Variants in ZNF385B observed in about 807,000 individuals in gnomAD.
ZNF385B encodes the protein zinc finger protein 385B.
In ZNF385B, 23 loss-of-function variants were observed where a neutral mutation model predicts 39.2. The ratio of observed to expected loss-of-function variants is 0.59; its 90% confidence interval spans 0.42 to 0.83. The LOEUF is 0.83. Ranked by LOEUF, ZNF385B falls within the 40% of genes least tolerant of loss-of-function variation. The pLI, the probability that ZNF385B is intolerant of heterozygous loss-of-function variation, is 0.00. For missense variants in ZNF385B, 552 were observed against 598.9 expected (o/e 0.92, Z 0.82); for synonymous variants, 205 against 222.6 (o/e 0.92, Z 0.70).
rs191388508 is a variant in ZNF385B at position 179,805,279 on chromosome 2, T to C, written c.-154-34607A>G. ...AACCATCAGCCATGTGAATGAAACATCCTGGATGGTCCGGTCCAGCCAAGT... is the reference window on the plus strand; with the variant it reads ...AACCATCAGCCATGTGAATGAAACACCCTGGATGGTCCGGTCCAGCCAAGT... On this transcript the variant is annotated intron_variant, in intron 1 of 9. Transcript: ENST00000410066. 2.7e-3 allele frequency among the ~76,000 whole-genome samples: 408 copies of C among 152,248 alleles called. 1 individual carries two copies. The highest frequency in any genetic ancestry group is 9.3e-3 in the African/African-American group (388 of 41,562).
At chr2:179,584,941 G>C (rs1365822547) in intron 3 of ZNF385B, among the ~76,000 whole-genome samples, 4 of 152,184 alleles carry the variant, frequency 2.6e-5, no homozygotes, top group African/African-American at 7.2e-5. Context: ...GGGCAGTCCT[G>C]ATGTCACACA....
intron 1 of ZNF385B, among the ~76,000 whole-genome samples, chr2:179,818,771 C>T (rs1222394263): frequency 6.6e-6 from 1 of 152,090 alleles, no homozygotes; most frequent in African/African-American, 2.4e-5. Flanking sequence ...TCTGTCTACT[C>T]AATGGAAAGA....
chr2:179,824,027 A>T (rs1396035663), intron 1 of ZNF385B, among the ~76,000 whole-genome samples: 2 of 152,064 alleles, frequency 1.3e-5, no homozygotes, highest in Non-Finnish European at 2.9e-5. Flanking sequence ...CTATCTTCAT[A>T]CCTTAGTATG....
At chr2:179,459,708 C>G (rs1032018074) in intron 6 of ZNF385B, among the ~76,000 whole-genome samples, 1 of 150,196 alleles carries the variant, frequency 6.7e-6, no homozygotes, top group African/African-American at 2.4e-5. Context: ...AAAAAATGTG[C>G]ATTATAATAA....
intron 3 of ZNF385B, among the ~76,000 whole-genome samples, chr2:179,756,688 T>C (rs1223687491): frequency 1.3e-5 from 2 of 152,190 alleles, no homozygotes; most frequent in African/African-American, 2.4e-5. Flanking sequence ...CTTTTTACTC[T>C]TTTTTCTCTA....
chr2:179,682,602 A>T (rs1697603202), intron 3 of ZNF385B, among the ~76,000 whole-genome samples: 1 of 152,082 alleles, frequency 6.6e-6, no homozygotes, highest in Non-Finnish European at 1.5e-5. Flanking sequence ...GGCCTGTGTA[A>T]TCTCCTTCCT....
At chr2:179,747,457 T>C (rs891156264) in intron 3 of ZNF385B, among the ~76,000 whole-genome samples, 6 of 152,118 alleles carry the variant, frequency 3.9e-5, no homozygotes, top group African/African-American at 1.4e-4. Context: ...CATTTGAATG[T>C]ATTATGAGAA....
intron 1 of ZNF385B, among the ~76,000 whole-genome samples, chr2:179,849,468 GT>G (rs921703391): frequency 6.6e-6 from 1 of 152,124 alleles, no homozygotes; most frequent in Non-Finnish European, 1.5e-5. Flanking sequence ...ATAATAGCTG[GT>G]TTTCTCTTCT....
At chr2:179,749,237 A>G (rs1244632024) in intron 3 of ZNF385B, among the ~76,000 whole-genome samples, 4 of 152,074 alleles carry the variant, frequency 2.6e-5, no homozygotes, top group African/African-American at 9.7e-5. Flanking sequence ...ATAAATACTC[A>G]GTGTCTACAG....
At chr2:179,641,750 A>G (rs1692286448) in intron 3 of ZNF385B, among the ~76,000 whole-genome samples, 1 of 152,068 alleles carries the variant, frequency 6.6e-6, no homozygotes. Context: ...ATCTTACCAG[A>G]GCAAATCTTG....
chr2:179,568,697 T>G (rs548853428), intron 3 of ZNF385B, among the ~76,000 whole-genome samples: 15 of 152,196 alleles, frequency 9.9e-5, no homozygotes, highest in Non-Finnish European at 2.1e-4. Context: ...ATGGTATTTA[T>G]TCAATCTGTC....
chr2:179,781,792 A>G (rs1043148376), intron 1 of ZNF385B, among the ~76,000 whole-genome samples: 1 of 152,204 alleles, frequency 6.6e-6, no homozygotes, highest in African/African-American at 2.4e-5. Context: ...TGATTCCATG[A>G]ACAAACCAAT....
intron 6 of ZNF385B, among the ~76,000 whole-genome samples, chr2:179,468,470 C>T (rs1194729529): frequency 2.0e-5 from 3 of 152,130 alleles, no homozygotes; most frequent in Admixed American, 2.0e-4. Flanking sequence ...TAACTCATGT[C>T]GCTCAAATCA....
At chr2:179,602,814 G>A (rs1255558867) in intron 3 of ZNF385B, among the ~76,000 whole-genome samples, 1 of 152,026 alleles carries the variant, frequency 6.6e-6, no homozygotes, top group Non-Finnish European at 1.5e-5. Context: ...CTCTTGACAC[G>A]GGAACAAACA....
intron 5 of ZNF385B, among the ~76,000 whole-genome samples, chr2:179,514,925 T>G (rs1376020394): frequency 1.3e-5 from 2 of 151,964 alleles, no homozygotes; most frequent in Non-Finnish European, 2.9e-5. Context: ...ATTTCAGGTG[T>G]GCACAATCAC....
chr2:179,444,203 T>C (rs2105525908), intron 9 of ZNF385B, among the ~76,000 whole-genome samples: 1 of 152,360 alleles, frequency 6.6e-6, no homozygotes, highest in East Asian at 1.9e-4. Flanking sequence ...TTGGAGAAGC[T>C]GGAAGGTAAT....
At chr2:179,573,362 A>G (rs540724928) in intron 3 of ZNF385B, among the ~76,000 whole-genome samples, 1 of 152,250 alleles carries the variant, frequency 6.6e-6, no homozygotes, top group South Asian at 2.1e-4. Context: ...TATAATTTTT[A>G]ATTTTTATTT....
intron 6 of ZNF385B, among the ~76,000 whole-genome samples, chr2:179,475,086 C>A (rs1245130008): frequency 2.0e-5 from 3 of 152,070 alleles, no homozygotes. Flanking sequence ...AGCCACTAGC[C>A]TTATGCGGCT....
At chr2:179,539,317 C>A (rs1310867385) in intron 4 of ZNF385B, among the ~76,000 whole-genome samples, 1 of 152,136 alleles carries the variant, frequency 6.6e-6, no homozygotes, top group Non-Finnish European at 1.5e-5. Flanking sequence ...ACCCTCATGA[C>A]CTCAACTAAC....
Sources: gnomAD v4.1 joint callset for allele counts (sites outside exome capture counted in the v4.1 genomes callset) on GRCh38, gnomAD v4.1.1 for gene constraint, MANE v1.5 for transcripts, NCBI Gene and HGNC (gene_info 2026-07-23, HGNC 2026-07-21) for gene names.